Variants in WDFY2 observed in about 807,000 individuals in gnomAD.
The protein encoded by WDFY2 is WD repeat and FYVE domain-containing protein 2.
Under a neutral mutation model 56.4 loss-of-function variants are expected in WDFY2, and 36 were observed. The ratio of observed to expected loss-of-function variants is 0.64; its 90% CI spans 0.49 to 0.84. The LOEUF is 0.84. Ranked by LOEUF, WDFY2 falls within the 40% of genes least tolerant of loss-of-function variation. The pLI is 0.00. For missense variants in WDFY2, 444 were observed against 512.2 expected, an observed-to-expected ratio of 0.87 and a Z score of 1.29; for synonymous variants, 176 against 183.7, an observed-to-expected ratio of 0.96 and a Z score of 0.34.
intron 7 of WDFY2, among the ~76,000 whole-genome samples, chr13:51,740,723 A>T (rs1305367201): frequency 6.6e-5 from 10 of 152,118 alleles, no homozygotes; most frequent in Admixed American, 4.6e-4. Context: ...CAAAAAAAAA[A>T]AAAAAAGCCA....
intron 3 of WDFY2, among the ~76,000 whole-genome samples, chr13:51,691,080 T>G (rs1477515740): frequency 6.6e-6 from 1 of 152,192 alleles, no homozygotes; most frequent in Non-Finnish European, 1.5e-5. Flanking sequence ...GAGTTCATTG[T>G]AGATTCTGGA....
At chr13:51,752,321 C>G (rs1398682447) in intron 8 of WDFY2, among the ~76,000 whole-genome samples, 1 of 152,190 alleles carries the variant, frequency 6.6e-6, no homozygotes, top group South Asian at 2.1e-4. Flanking sequence ...TCAAAATGAT[C>G]ATTACTGTTA....
chr13:51,745,438 C>G (rs2138702652), intron 7 of WDFY2, among the ~76,000 whole-genome samples: 1 of 152,298 alleles, frequency 6.6e-6, no homozygotes, highest in Middle Eastern at 3.4e-3. Context: ...AGACGCACAG[C>G]TGGCTTCTCC....
At chr13:51,688,874 A>G (rs1346552122) in intron 3 of WDFY2, among the ~76,000 whole-genome samples, 3 of 152,198 alleles carry the variant, frequency 2.0e-5, no homozygotes, top group African/African-American at 7.2e-5. Context: ...ATCTCATATC[A>G]TTTGCTGTTT....
chr13:51,647,765 TAAAA>T (rs528621325), intron 1 of WDFY2, among the ~76,000 whole-genome samples: 4 of 102,716 alleles, frequency 3.9e-5, no homozygotes, highest in East Asian at 2.7e-4. Flanking sequence ...GTCTCTCTCT[TAAAA>T]AAAAAAAAAA....
chr13:51,653,991 C>T (rs1188404178), intron 1 of WDFY2, among the ~76,000 whole-genome samples: 3 of 152,186 alleles, frequency 2.0e-5, no homozygotes, highest in Non-Finnish European at 4.4e-5. Flanking sequence ...TTGGCTATGC[C>T]CTGCCCCCAG....
intron 3 of WDFY2, among the ~76,000 whole-genome samples, chr13:51,692,677 T>A (rs1453707145): frequency 3.3e-5 from 5 of 152,162 alleles, no homozygotes; most frequent in African/African-American, 4.8e-5. Flanking sequence ...TATCTCTGCC[T>A]GGCTTTGGTA....
chr13:51,686,284 A>C (rs1272513592), intron 3 of WDFY2, among the ~76,000 whole-genome samples: 1 of 152,106 alleles, frequency 6.6e-6, no homozygotes, highest in Non-Finnish European at 1.5e-5. Flanking sequence ...TCTGTGCCTC[A>C]TGGGGTTGCT....
chr13:51,672,404 G>A (rs752558586), intron 2 of WDFY2, among the ~76,000 whole-genome samples: 7 of 152,038 alleles, frequency 4.6e-5, no homozygotes, highest in Non-Finnish European at 1.0e-4. Flanking sequence ...CTATTGATCT[G>A]TATGCCTGTT....
intron 1 of WDFY2, among the ~76,000 whole-genome samples, chr13:51,638,712 TA>T (rs968719547): frequency 3.3e-5 from 5 of 152,244 alleles, no homozygotes; most frequent in Non-Finnish European, 5.9e-5. Flanking sequence ...TGCTGGCTAG[TA>T]AAAATATTGG....
chr13:51,685,030 C>T (rs1452616053), intron 3 of WDFY2, among the ~76,000 whole-genome samples: 2 of 152,156 alleles, frequency 1.3e-5, no homozygotes, highest in Non-Finnish European at 2.9e-5. Flanking sequence ...TCCCACCAAA[C>T]TTCAAACTTT....
At chr13:51,683,480 G>T (rs1956011080) in intron 3 of WDFY2, among the ~76,000 whole-genome samples, 1 of 152,206 alleles carries the variant, frequency 6.6e-6, no homozygotes, top group East Asian at 1.9e-4. Context: ...TGTATTGCAA[G>T]GTTTCAAGCC....
At chr13:51,755,275 C>A in intron 8 of WDFY2, 83 bp from the exon 9 acceptor site, 1 of 1,262,964 alleles carries the variant, frequency 7.9e-7, no homozygotes, top group Non-Finnish European at 1.2e-6. Flanking sequence ...ATCCTGATAG[C>A]TCCATAAGTT....
At chr13:51,736,481 G>A (rs969109223) in intron 6 of WDFY2, among the ~76,000 whole-genome samples, 2 of 152,116 alleles carry the variant, frequency 1.3e-5, no homozygotes, top group Non-Finnish European at 2.9e-5. Flanking sequence ...GGCTCCTCAT[G>A]GTGCAGTGTT....
chr13:51,626,302 T>C (rs1429679368), intron 1 of WDFY2, among the ~76,000 whole-genome samples: 1 of 152,212 alleles, frequency 6.6e-6, no homozygotes, highest in Non-Finnish European at 1.5e-5. Flanking sequence ...AAGTATCTCT[T>C]TCTGCTCTCT....
chr13:51,741,466 G>C (rs985090659), intron 7 of WDFY2, among the ~76,000 whole-genome samples: 5 of 152,172 alleles, frequency 3.3e-5, no homozygotes, highest in African/African-American at 1.2e-4. Context: ...GAGTGGGTCT[G>C]AATGCCAGGG....
At chr13:51,758,117 CTA>C in intron 10 of WDFY2, 73 bp from the exon 11 acceptor site, 1 of 1,227,436 alleles carries the variant, frequency 8.1e-7, no homozygotes, top group Non-Finnish European at 1.1e-6. Flanking sequence ...AATTTAGAGC[CTA>C]ATGTCATCCT....
chr13:51,621,711 C>T (rs1307493743), intron 1 of WDFY2, among the ~76,000 whole-genome samples: 1 of 152,104 alleles, frequency 6.6e-6, no homozygotes, highest in East Asian at 1.9e-4. Flanking sequence ...GTGATACTGG[C>T]CAGATTCGTC....
At chr13:51,742,763 T>A (rs974913057) in intron 7 of WDFY2, among the ~76,000 whole-genome samples, 1 of 152,180 alleles carries the variant, frequency 6.6e-6, no homozygotes, top group Non-Finnish European at 1.5e-5. Flanking sequence ...CCACCAAGAA[T>A]GGATTCAGCA....
Sources: gnomAD v4.1 joint callset for allele counts (sites outside exome capture counted in the v4.1 genomes callset) on GRCh38, gnomAD v4.1.1 for gene constraint, MANE v1.5 for transcripts, NCBI Gene and HGNC (gene_info 2026-07-23, HGNC 2026-07-21) for gene names.